Variants in MYCBP2 observed in about 807,000 individuals in gnomAD.
The protein encoded by MYCBP2 is MYC binding protein 2, also known as E3 ubiquitin-protein ligase MYCBP2.
MYCBP2 carries 120 observed loss-of-function variants against 525.3 expected under a neutral mutation model. The ratio of observed to expected loss-of-function variants is 0.23; its 90% CI spans 0.20 to 0.27. MYCBP2 has a LOEUF of 0.27. Among genes scored for constraint, MYCBP2 ranks in the 10% least tolerant of loss-of-function variants. The probability of loss-of-function intolerance (pLI) is 1.00; values close to 1 mark genes in which losing one functional copy is unlikely to be tolerated. For synonymous variants in MYCBP2, 1,894 were observed against 1,955.8 expected, an observed-to-expected ratio of 0.97 and a Z score of 0.83; for missense variants, 4,149 against 5,657.1, an observed-to-expected ratio of 0.73 and a Z score of 8.55.
chr13:77,275,649 C>G (rs561325724), intron 4 of MYCBP2, among the ~76,000 whole-genome samples: 1 of 152,052 alleles, frequency 6.6e-6, no homozygotes, highest in South Asian at 2.1e-4. Flanking sequence ...ATAGTAAGAT[C>G]CTGTCCCTAA....
rs2036891061 is a variant in MYCBP2 at position 77,051,896 on chromosome 13, C to T, written c.13670G>A (p.Arg4557His). The change falls in exon 81 of 83, where the codon CGC becomes CAC. Residue 4557 changes from arginine (R) to histidine (H), a missense_variant. By Grantham distance (29) the Arg-to-His change is conservative. This residue lies in a region of MYCBP2 where 24 missense variants were observed against 24.9 expected (regional missense o/e 0.96). Coordinates refer to ENST00000544440, the MANE Select transcript of MYCBP2 (RefSeq NM_015057.5). The part of the protein sequence containing the change: ...CRKAYFGGEA[R>H]CDAEAGRGDD... ...TCCCCGTCCAGCCTCAGCATCGCAG[C>T]GAGCTTCACCACCAAAATATGCCTG... 3.1e-6 allele frequency: 5 copies of T among 1,614,086 alleles called. No homozygotes were observed. Among genetic ancestry groups the T allele is most frequent in the Non-Finnish European group, 4.2e-6 (5 of 1,179,990 alleles).
chr13:77,253,109 GGTTA>G lies in MYCBP2; in HGVS notation c.2177-1758_2177-1755del, dbSNP rs770696406. 5.3e-5 allele frequency among the ~76,000 whole-genome samples: 8 copies of G among 151,922 alleles called. No individual in the cohort carries two copies. In the East Asian group the frequency reaches 1.2e-3, roughly 22 times the overall value. ...ATAACAAATGAAACTGTAAACCACA[GGTTA>G]GTCAAAGATATATAAAACATAATAC... On this transcript the variant is annotated intron_variant, in intron 14 of 82. Transcript: ENST00000544440.
At chr13:77,156,618 G>C (rs1251298185) in intron 45 of MYCBP2, among the ~76,000 whole-genome samples, 1 of 152,158 alleles carries the variant, frequency 6.6e-6, no homozygotes, top group African/African-American at 2.4e-5. Context: ...GTAAAAGCAG[G>C]GGTAGAAATG....
At chr13:77,203,632 C>T (rs928254438) in intron 26 of MYCBP2, among the ~76,000 whole-genome samples, 2 of 152,210 alleles carry the variant, frequency 1.3e-5, no homozygotes, top group Non-Finnish European at 2.9e-5. Flanking sequence ...ATCACACTAC[C>T]TGACTTCAAA....
intron 21 of MYCBP2, among the ~76,000 whole-genome samples, chr13:77,214,317 T>C (rs1593983519): frequency 6.6e-6 from 1 of 152,354 alleles, no homozygotes; most frequent in South Asian, 2.1e-4. Flanking sequence ...TCTAGGAATT[T>C]ATCTCAAAGA....
chr13:77,137,063 C>G (rs937883042), intron 52 of MYCBP2, among the ~76,000 whole-genome samples: 2 of 152,170 alleles, frequency 1.3e-5, no homozygotes, highest in African/African-American at 4.8e-5. Flanking sequence ...TAACAACCTC[C>G]GCACTCACAT....
intron 1 of MYCBP2, among the ~76,000 whole-genome samples, chr13:77,308,683 G>A (rs1255384856): frequency 6.6e-6 from 1 of 152,198 alleles, no homozygotes; most frequent in East Asian, 1.9e-4. Flanking sequence ...TAGTTATTTT[G>A]AGAGGTGATC....
At chr13:77,085,720 G>C (rs1233225486) in intron 62 of MYCBP2, among the ~76,000 whole-genome samples, 1 of 152,144 alleles carries the variant, frequency 6.6e-6, no homozygotes, top group African/African-American at 2.4e-5. Flanking sequence ...TCTGGCATCT[G>C]AACAAACCTA....
intron 47 of MYCBP2, among the ~76,000 whole-genome samples, chr13:77,147,496 T>G (rs893364708): frequency 3.3e-5 from 5 of 152,098 alleles, no homozygotes; most frequent in Admixed American, 2.6e-4. Flanking sequence ...GATGTCCAAC[T>G]GCTCATCTAC....
intron 47 of MYCBP2, among the ~76,000 whole-genome samples, chr13:77,147,506 C>T (rs917195637): frequency 3.3e-5 from 5 of 152,122 alleles, no homozygotes; most frequent in Non-Finnish European, 5.9e-5. Flanking sequence ...TGCTCATCTA[C>T]TTCTAACTCC....
In MYCBP2 at chr13:77,282,650, T is replaced by G. The variant is rs140397633; in HGVS notation, c.595-3739A>C. Reference sequence around the variant, plus strand: ...TGCCTACATAGTGATAACTCCCAAATCTATTTTTCTAGCTGACACTTATTT... The same window carrying G: ...TGCCTACATAGTGATAACTCCCAAAGCTATTTTTCTAGCTGACACTTATTT... On this transcript the variant is annotated intron_variant, in intron 3 of 82. Coordinates refer to ENST00000544440, the MANE Select transcript of MYCBP2 (RefSeq NM_015057.5). Among the ~76,000 whole-genome samples, 4 of 152,078 alleles carry G rather than the reference T, an allele frequency of 2.6e-5. No individual in the cohort carries two copies. The East Asian group carries it at 7.8e-4, about 30-fold the overall frequency.
rs2077084400 is a variant in MYCBP2, at chr13:77,288,149, T to C, written c.594+12A>G. ...TTACACATCTAAATATTAATAGAAC[T>C]CAGTGGCTTACCTTTGGAAGCTTGA... On this transcript the variant is annotated intron_variant, in intron 3 of 82. Transcript: ENST00000544440. The C allele has an allele frequency of 6.2e-7, 1 of 1,613,078 alleles. No individual in the cohort carries two copies.
At chr13:77,249,190 G>GT (rs2070673734) in intron 15 of MYCBP2, among the ~76,000 whole-genome samples, 1 of 152,128 alleles carries the variant, frequency 6.6e-6, no homozygotes, top group Admixed American at 6.6e-5. Flanking sequence ...GAGATGCATG[G>GT]TGGTAATAGT....
chr13:77,277,116 T>C (rs1052537423), intron 4 of MYCBP2, among the ~76,000 whole-genome samples: 3 of 152,284 alleles, frequency 2.0e-5, no homozygotes, highest in Admixed American at 2.0e-4. Flanking sequence ...GACATGAGAA[T>C]GGTAGAAGAC....
chr13:77,163,616 T>G (rs2058200747), intron 43 of MYCBP2, among the ~76,000 whole-genome samples: 1 of 152,268 alleles, frequency 6.6e-6, no homozygotes, highest in East Asian at 1.9e-4. Context: ...TTGCTCCATA[T>G]AAAAAAGTAC....
At position 77,095,507 on chromosome 13, in the gene MYCBP2, G is replaced by A. The variant is rs1566496941; in HGVS notation, c.10050C>T (p.Phe3350=). ...AHQVIKANAL[F]LLSLSSAAEP... Reference sequence around the variant, plus strand: ...CTGCTGCACTGCTCAGGGACAGCAGGAAGAGTGCATTGGCTTTAATCACCT... The same window carrying A: ...CTGCTGCACTGCTCAGGGACAGCAGAAAGAGTGCATTGGCTTTAATCACCT... The change falls in exon 58 of 83, where the codon TTC becomes TTT. Residue 3350 remains phenylalanine (F), a synonymous_variant. Transcript: ENST00000544440. The A allele has an allele frequency of 1.2e-6, 2 of 1,613,622 alleles. No homozygotes were observed. Among genetic ancestry groups the A allele is most frequent in the Non-Finnish European group, 1.7e-6 (2 of 1,179,740 alleles).
chr13:77,177,269 C>T (rs2059794770), intron 35 of MYCBP2, among the ~76,000 whole-genome samples: 1 of 151,414 alleles, frequency 6.6e-6, no homozygotes, highest in African/African-American at 2.4e-5. Flanking sequence ...GCAGTAGTGA[C>T]CCAAGGTGGA....
At chr13:77,215,985 T>A (rs550402096) in intron 21 of MYCBP2, among the ~76,000 whole-genome samples, 2 of 152,292 alleles carry the variant, frequency 1.3e-5, no homozygotes, top group South Asian at 4.1e-4. Flanking sequence ...CCAGTTAGTG[T>A]CTAATACTAT....
intron 55 of MYCBP2, chr13:77,103,275 T>C (rs1386426685): frequency 1.0e-5 from 4 of 397,582 alleles, no homozygotes; most frequent in African/African-American, 2.1e-5. Context: ...TTTTTGTAAA[T>C]GCGCTCACGA....
Sources: allele counts gnomAD v4.1 joint callset (sites outside exome capture counted in the v4.1 genomes callset), GRCh38; gene constraint gnomAD v4.1.1; regional missense constraint gnomAD v4.1.1; transcripts MANE v1.5; gene names NCBI Gene and HGNC (gene_info 2026-07-23, HGNC 2026-07-21).